Variants in NAALADL2 observed in about 807,000 individuals in gnomAD.
The protein encoded by NAALADL2 is N-acetylated alpha-linked acidic dipeptidase like 2.
NAALADL2 carries 76 observed loss-of-function variants against 87.2 expected under a neutral mutation model. That is an observed-to-expected ratio of 0.87 (90% confidence interval 0.72 to 1.05). The LOEUF (loss-of-function observed/expected upper bound fraction) is 1.05. Ranked by LOEUF, NAALADL2 falls within the 50% of genes least tolerant of loss-of-function variation. The pLI, the probability that NAALADL2 is intolerant of heterozygous loss-of-function variation, is 0.00. For missense variants in NAALADL2, 1,089 were observed against 945.8 expected, an observed-to-expected ratio of 1.15 and a Z score of -1.99; for synonymous variants, 354 against 331.0, an observed-to-expected ratio of 1.07 and a Z score of -0.75.
chr3:174,479,843 C>T (rs1254715565), intron 1 of NAALADL2, among the ~76,000 whole-genome samples: 3 of 151,464 alleles, frequency 2.0e-5, no homozygotes, highest in South Asian at 2.1e-4. Flanking sequence ...AAATTAAAAA[C>T]GATGAAACAT....
At chr3:174,538,336 G>A (rs1515604) in intron 1 of NAALADL2, among the ~76,000 whole-genome samples, 29,760 of 151,848 alleles carry the variant, frequency 0.2, 4,075 homozygotes, top group East Asian at 0.52. Flanking sequence ...GGTTGGACCT[G>A]CCTCATTATA....
At chr3:174,855,712 G>A (rs1223325534), upstream of NAALADL2, among the ~76,000 whole-genome samples, 1 of 150,844 alleles carries the variant, frequency 6.6e-6, no homozygotes, top group East Asian at 2.0e-4. Context: ...ACTGGGCTAG[G>A]TGCCAGGAAC....
intron 11 of NAALADL2, among the ~76,000 whole-genome samples, chr3:175,633,956 T>G (rs1728161040): frequency 6.6e-6 from 1 of 151,842 alleles, no homozygotes; most frequent in Admixed American, 6.6e-5. Flanking sequence ...TGATTTCCAT[T>G]ATATATGTGA....
intron 1 of NAALADL2, among the ~76,000 whole-genome samples, chr3:174,446,355 T>G (rs1715049501): frequency 6.6e-6 from 1 of 152,186 alleles, no homozygotes; most frequent in Non-Finnish European, 1.5e-5. Context: ...CACATGTGAA[T>G]TTTTAAAGTA....
intron 3 of NAALADL2, among the ~76,000 whole-genome samples, chr3:174,840,684 C>T (rs2109419690): frequency 6.6e-6 from 1 of 152,172 alleles, no homozygotes; most frequent in African/African-American, 2.4e-5. Flanking sequence ...CCCCATTCAG[C>T]CTCTTATCTT....
At chr3:175,296,417 C>T (rs10936839) in intron 4 of NAALADL2, among the ~76,000 whole-genome samples, 25,716 of 152,136 alleles carry the variant, frequency 0.17, 2,313 homozygotes, top group African/African-American at 0.22. Flanking sequence ...AGACTTGCCA[C>T]GCTGGATCTC....
rs797014889 is a variant in NAALADL2, at chr3:175,533,928, T to A, written c.1654-42113T>A. ...TAAGAGCAACCAACCAGCTTCATTG[T>A]GTTCCTTGGTTCTCCACATATGGTC... On this transcript the variant is annotated intron_variant, in intron 9 of 13. Coordinates refer to ENST00000454872, the MANE Select transcript of NAALADL2 (RefSeq NM_207015.3). Among the ~76,000 whole-genome samples the A allele has an allele frequency of 2.0e-5, 3 of 152,018 alleles. No individual in the cohort carries two copies. The South Asian group carries it at 6.2e-4, about 31-fold the overall frequency.
chr3:175,290,740 T>C (rs577028198), intron 4 of NAALADL2, among the ~76,000 whole-genome samples: 6 of 152,256 alleles, frequency 3.9e-5, no homozygotes, highest in Non-Finnish European at 5.9e-5. Context: ...AGGCATAAAG[T>C]TTATTTAAAA....
At chr3:175,041,157 G>C (rs1187659454) in intron 1 of NAALADL2, among the ~76,000 whole-genome samples, 1 of 152,052 alleles carries the variant, frequency 6.6e-6, no homozygotes, top group Non-Finnish European at 1.5e-5. Context: ...ATGTTTTCTA[G>C]ATCTGGTGTC....
intron 1 of NAALADL2, among the ~76,000 whole-genome samples, chr3:174,489,514 T>G (rs867320637): frequency 6.6e-6 from 1 of 151,994 alleles, no homozygotes; most frequent in Non-Finnish European, 1.5e-5. Context: ...TAAACATGTT[T>G]TGTTTTGCAA....
chr3:174,874,224 A>G (rs773981095), intron 1 of NAALADL2, among the ~76,000 whole-genome samples: 2 of 152,142 alleles, frequency 1.3e-5, no homozygotes, highest in Non-Finnish European at 2.9e-5. Flanking sequence ...ACATGTGCAC[A>G]TGTTATAGAA....
At chr3:175,542,577 C>T (rs1467021479) in intron 9 of NAALADL2, among the ~76,000 whole-genome samples, 1 of 152,104 alleles carries the variant, frequency 6.6e-6, no homozygotes, top group Admixed American at 6.5e-5. Context: ...CCAGGCTGGT[C>T]TCAAACTCCT....
intron 6 of NAALADL2, among the ~76,000 whole-genome samples, chr3:175,455,047 G>A (rs1722115735): frequency 6.6e-6 from 1 of 152,080 alleles, no homozygotes; most frequent in Non-Finnish European, 1.5e-5. Flanking sequence ...ACCTGAAAGG[G>A]CAAGAAGAGA....
chr3:175,306,886 G>C (rs980803185), intron 4 of NAALADL2, among the ~76,000 whole-genome samples: 1 of 152,000 alleles, frequency 6.6e-6, no homozygotes, highest in East Asian at 1.9e-4. Context: ...CTTAATCCAA[G>C]TTTGTATCCA....
At chr3:174,738,956 T>C (rs1323380654) in intron 3 of NAALADL2, among the ~76,000 whole-genome samples, 2 of 152,186 alleles carry the variant, frequency 1.3e-5, no homozygotes, top group Non-Finnish European at 2.9e-5. Flanking sequence ...GAACTTCAAC[T>C]CTAGGACTGA....
At chr3:175,575,035 T>G (rs1718662226) in intron 9 of NAALADL2, among the ~76,000 whole-genome samples, 1 of 152,150 alleles carries the variant, frequency 6.6e-6, no homozygotes, top group Admixed American at 6.5e-5. Flanking sequence ...TAATGAATAT[T>G]AATTATAAAA....
At chr3:174,505,090 G>A (rs1719120115) in intron 1 of NAALADL2, among the ~76,000 whole-genome samples, 1 of 152,114 alleles carries the variant, frequency 6.6e-6, no homozygotes, top group Non-Finnish European at 1.5e-5. Flanking sequence ...TATCTTAACA[G>A]TCTGATTATG....
At chr3:174,559,692 T>G (rs1297878942) in intron 2 of NAALADL2, among the ~76,000 whole-genome samples, 2 of 152,130 alleles carry the variant, frequency 1.3e-5, no homozygotes, top group African/African-American at 4.8e-5. Flanking sequence ...AAGACTGACA[T>G]TTTCTTGTTT....
intron 2 of NAALADL2, among the ~76,000 whole-genome samples, chr3:175,169,017 T>C (rs1007246967): frequency 6.6e-6 from 1 of 151,716 alleles, no homozygotes; most frequent in African/African-American, 2.4e-5. Context: ...TCCAGATTAA[T>C]TTCACTGTTC....
Sources: gnomAD v4.1 joint callset for allele counts (sites outside exome capture counted in the v4.1 genomes callset) on GRCh38, gnomAD v4.1.1 for gene constraint, MANE v1.5 for transcripts, NCBI Gene and HGNC (gene_info 2026-07-23, HGNC 2026-07-21) for gene names.